The following RCL1 variants were observed in gnomAD, a reference collection of about 807,000 sequenced individuals.
The protein encoded by RCL1 is RNA 3'-terminal phosphate cyclase-like protein.
Under a neutral mutation model 42.4 loss-of-function variants are expected in RCL1, and 24 were observed. That is an observed-to-expected ratio of 0.57 (90% CI 0.41 to 0.80). RCL1 has a LOEUF of 0.80. Ranked by LOEUF, RCL1 falls within the 30% of genes least tolerant of loss-of-function variation. RCL1 has a pLI of 0.00. For missense variants in RCL1, 578 were observed against 467.9 expected (o/e 1.24, Z -2.17); for synonymous variants, 228 against 177.3 (o/e 1.29, Z -2.27).
At chr9:4,817,196 GA>G (rs1816412732) in intron 1 of RCL1, among the ~76,000 whole-genome samples, 1 of 151,896 alleles carries the variant, frequency 6.6e-6, no homozygotes, top group African/African-American at 2.4e-5. Flanking sequence ...TTTATTATTT[GA>G]AAAAAATTCT....
chr9:4,823,409 T>C, intron 1 of RCL1, 139 bp from the exon 2 acceptor site: 2 of 583,018 alleles, frequency 3.4e-6, no homozygotes, highest in Non-Finnish European at 5.9e-6. Context: ...ACCCAGTCCT[T>C]TAGGAAAGCC....
chr9:4,818,806 A>T (rs900051076), intron 1 of RCL1, among the ~76,000 whole-genome samples: 4 of 148,662 alleles, frequency 2.7e-5, no homozygotes, highest in African/African-American at 5.0e-5. Flanking sequence ...CTGGAGGCGG[A>T]GGTTGTAGTG....
At chr9:4,819,887 C>T (rs754075960) in intron 1 of RCL1, among the ~76,000 whole-genome samples, 4 of 152,084 alleles carry the variant, frequency 2.6e-5, no homozygotes, top group Non-Finnish European at 4.4e-5. Flanking sequence ...ACACTTGTGC[C>T]CACCAAATTT....
At position 4,841,346 on chromosome 9, in the gene RCL1, C is replaced by T. The variant is rs778933788; in HGVS notation, c.699C>T (p.Val233=). Residue 233 remains valine (V), a synonymous_variant, in exon 6 of 9, where the codon GTC becomes GTT. Coordinates refer to ENST00000381750, the MANE Select transcript of RCL1 (RefSeq NM_005772.5). ...TTTACACAGATCACATGAAAGGAGT[C>T]AACTCTGGGAAGTAAGTATCTGTGT... ...IYIYTDHMKG[V]NSGKSPGFGL... is the part of the protein sequence containing the mutation. 1 of 1,611,912 alleles carries T rather than the reference C, an allele frequency of 6.2e-7. No homozygotes were observed. The highest frequency in any genetic ancestry group is 8.5e-7 in the Non-Finnish European group (1 of 1,178,152).
At position 4,855,072 on chromosome 9, in the gene RCL1, A is replaced by AAAAAAAC. The variant is rs56709677; in HGVS notation, c.972-5052_972-5051insAAAAACA. Among the ~76,000 whole-genome samples the AAAAAAAC allele has an allele frequency of 2.0e-3, 279 of 140,592 alleles. 7 individuals are homozygous for AAAAAAAC. The highest frequency in any genetic ancestry group is 5.8e-3 in the Admixed American group (79 of 13,622). The allele number at this position is 140,592 out of a possible 152,430, so 92.2% of individuals were successfully genotyped here. On this transcript the variant is annotated intron_variant, in intron 8 of 8. Transcript: ENST00000381750. Reference sequence around the variant, plus strand: ...CGTCTCAAAAAAAAAAAAAAAAAAAAATAGGAAAAGTTATCTCTGTGCTCC... The same window carrying AAAAAAAC: ...CGTCTCAAAAAAAAAAAAAAAAAAAAAAAAAACATAGGAAAAGTTATCTCTGTGCTCC...
chr9:4,831,365 C>A (rs764587757), intron 3 of RCL1, among the ~76,000 whole-genome samples: 14 of 149,632 alleles, frequency 9.4e-5, no homozygotes, highest in Non-Finnish European at 1.6e-4. Context: ...AGCATTGCAT[C>A]CCCTACTTTT....
rs575986846 is a variant in RCL1, at chr9:4,808,728, A to C, written c.137-14820A>C. On this transcript the variant is annotated intron_variant, in intron 1 of 8. Transcript: ENST00000381750. ...GTATAAAAAACTTGAAAGGCAGTAAAAGCAGCATAAATCAGAGGATTAGGT... is the reference window on the plus strand; with the variant it reads ...GTATAAAAAACTTGAAAGGCAGTAACAGCAGCATAAATCAGAGGATTAGGT... 1.6e-4 allele frequency among the ~76,000 whole-genome samples: 24 copies of C among 152,328 alleles called. 1 individual carries two copies. The South Asian group carries it at 4.8e-3, about 30-fold the overall frequency.
At chr9:4,820,359 C>G (rs564466201) in intron 1 of RCL1, among the ~76,000 whole-genome samples, 2 of 152,168 alleles carry the variant, frequency 1.3e-5, no homozygotes, top group Non-Finnish European at 2.9e-5. Context: ...GGAGTCATAT[C>G]TTCACTGTTG....
At chr9:4,854,520 G>A (rs146394301) in intron 8 of RCL1, among the ~76,000 whole-genome samples, 51 of 152,278 alleles carry the variant, frequency 3.3e-4, no homozygotes, top group Middle Eastern at 3.4e-3. Context: ...GGAGGACGCA[G>A]GACCCTCTGT....
chr9:4,817,003 G>C (rs930699102), intron 1 of RCL1, among the ~76,000 whole-genome samples: 2 of 152,146 alleles, frequency 1.3e-5, no homozygotes, highest in Non-Finnish European at 2.9e-5. Context: ...ATTTTTGGTA[G>C]AGACGGGGTT....
At chr9:4,853,653 T>G (rs1271484392) in intron 8 of RCL1, among the ~76,000 whole-genome samples, 1 of 152,162 alleles carries the variant, frequency 6.6e-6, no homozygotes, top group African/African-American at 2.4e-5. Flanking sequence ...GAGCTGGGAT[T>G]CCATCCATAT....
intron 8 of RCL1, among the ~76,000 whole-genome samples, chr9:4,851,966 C>T (rs456179): frequency 0.89 from 134,410 of 150,588 alleles, 60,082 homozygotes; most frequent in East Asian, 1. Flanking sequence ...CTGCAAGCTC[C>T]GCCTCCCGGG....
chr9:4,853,959 T>C (rs558035434), intron 8 of RCL1, among the ~76,000 whole-genome samples: 2 of 152,232 alleles, frequency 1.3e-5, no homozygotes, highest in Non-Finnish European at 2.9e-5. Flanking sequence ...GTGGGGAAAC[T>C]GGGAACTGCC....
At chr9:4,854,392 C>G (rs1817861586) in intron 8 of RCL1, among the ~76,000 whole-genome samples, 1 of 152,174 alleles carries the variant, frequency 6.6e-6, no homozygotes, top group Admixed American at 6.5e-5. Context: ...TGAGCAGATC[C>G]TTTTCTTATC....
chr9:4,820,235 G>C lies in RCL1; in HGVS notation c.137-3313G>C, dbSNP rs1587707834. ...GTCTTGAAGAAGAGGAGTCAGCAGG[G>C]TGTGTGGGAGGTGAATGGGCAAGGA... On this transcript the variant is annotated intron_variant, in intron 1 of 8. Transcript: ENST00000381750. Among the ~76,000 whole-genome samples the C allele has an allele frequency of 2.6e-5, 4 of 152,196 alleles. No homozygotes were observed. The South Asian group carries it at 8.3e-4, about 31-fold the overall frequency.
rs34470773 is a variant in RCL1, at chr9:4,857,931, C to CTTTTTTTTTTTTTTTTTTTTTT, written c.972-2175_972-2174insTTTTTTTTTTTTTTTTTTTTTT. Among the ~76,000 whole-genome samples the CTTTTTTTTTTTTTTTTTTTTTT allele has an allele frequency of 7.8e-5, 8 of 103,046 alleles. 1 individual carries two copies. Among genetic ancestry groups the CTTTTTTTTTTTTTTTTTTTTTT allele is most frequent in the Admixed American group, 1.2e-4 (1 of 8,356 alleles). The allele number at this position is 103,046 out of a possible 152,430, so 67.6% of individuals were successfully genotyped here. A position where few individuals can be genotyped will look rare whatever the true frequency, so the allele number is the denominator to read the frequency against. ...AGGAAATATCCGTTTAGCTCTCCCACTTTTTTTTTTTTTTTTTTTCAGTGA... is the reference window on the plus strand; with the variant it reads ...AGGAAATATCCGTTTAGCTCTCCCACTTTTTTTTTTTTTTTTTTTTTTTTTTTTTTTTTTTTTTTTTCAGTGA... On this transcript the variant is annotated intron_variant, in intron 8 of 8. Transcript: ENST00000381750.
At chr9:4,795,595 G>T (rs10974788) in intron 1 of RCL1, among the ~76,000 whole-genome samples, 23,778 of 152,098 alleles carry the variant, frequency 0.16, 2,211 homozygotes, top group South Asian at 0.34. Flanking sequence ...TATGTTGCCC[G>T]TCATCTGTCC....
At chr9:4,806,997 C>T (rs1205376989) in intron 1 of RCL1, among the ~76,000 whole-genome samples, 1 of 152,074 alleles carries the variant, frequency 6.6e-6, no homozygotes. Flanking sequence ...AGAAGTGGTC[C>T]GTTTCATCTA....
At chr9:4,801,021 A>G (rs1842991771) in intron 1 of RCL1, among the ~76,000 whole-genome samples, 1 of 152,162 alleles carries the variant, frequency 6.6e-6, no homozygotes, top group East Asian at 1.9e-4. Flanking sequence ...CCTTTCTAGC[A>G]TTTGGTGTTG....
Sources: allele counts gnomAD v4.1 joint callset (sites outside exome capture counted in the v4.1 genomes callset), GRCh38; gene constraint gnomAD v4.1.1; transcripts MANE v1.5; gene names NCBI Gene and HGNC (gene_info 2026-07-23, HGNC 2026-07-21).